The following NRBP1 variants were observed in gnomAD, a reference collection of about 807,000 sequenced individuals.
NRBP1 encodes nuclear receptor binding protein 1.
Under a neutral mutation model 76.0 loss-of-function variants are expected in NRBP1, and 10 were observed. That is an observed-to-expected ratio of 0.13 (90% CI 0.08 to 0.22). NRBP1 has a LOEUF of 0.22. Ranked by LOEUF, NRBP1 falls within the 10% of genes least tolerant of loss-of-function variation. The pLI, the probability that NRBP1 is intolerant of heterozygous loss-of-function variation, is 1.00. For synonymous variants in NRBP1, 235 were observed against 240.2 expected (o/e 0.98, Z 0.20); for missense variants, 344 against 646.0 (o/e 0.53, Z 5.07).
rs1427960253 is a variant in NRBP1 at position 27,433,330 on chromosome 2, A to G, written c.57A>G (p.Glu19=). 1 of 1,614,118 alleles carries G rather than the reference A, an allele frequency of 6.2e-7. No individual in the cohort carries two copies. The highest frequency in any genetic ancestry group is 2.2e-5 in the East Asian group (1 of 44,902). The change falls in exon 2 of 18, where the codon GAA becomes GAG. Residue 19 remains glutamate (E), a synonymous_variant. Transcript: ENST00000379852. ...GCAGTGGCTCAGACCCAAAGGTAGA[A>G]TCCTCATCTTCAGCTCCTGGCCTGA... ...VLSSGSDPKV[E]SSSSAPGLTS... is the part of the protein sequence containing the mutation.
chr2:27,431,677 G>C (rs1394265424), intron 1 of NRBP1: 1 of 152,214 alleles, frequency 6.6e-6, no homozygotes, highest in Non-Finnish European at 1.5e-5. Context: ...GGCTTGTTCT[G>C]TGTAGAGAAG....
Position 27,430,469 on chromosome 2 carries a change from CTTTTTTTT to C in NRBP1, c.-21+1748_-21+1755del, listed in dbSNP as rs977927783. 3.0e-4 allele frequency among the ~76,000 whole-genome samples: 41 copies of C among 138,708 alleles called. 1 individual carries two copies. In the East Asian group the frequency reaches 8.0e-3, roughly 27 times the overall value. 91.0% of individuals were successfully genotyped at this position (138,708 alleles called of 152,430 possible). A position where few individuals can be genotyped will look rare whatever the true frequency, so the allele number is the denominator to read the frequency against. ...TTCTTTTTCTTTTCTTTCTTTTTTT[CTTTTTTTT>C]TTTTTTTTTGAGTCATAGTCTCACT... On this transcript the variant is annotated intron_variant, in intron 1 of 17. Coordinates refer to ENST00000379852, the MANE Select transcript of NRBP1 (RefSeq NM_013392.4).
chr2:27,438,295 C>T (rs780242437), intron 10 of NRBP1, among the ~76,000 whole-genome samples: 11 of 152,066 alleles, frequency 7.2e-5, no homozygotes, highest in Non-Finnish European at 1.0e-4. Context: ...TTTTTAAGCA[C>T]ATCAGTCAAT....
chr2:27,435,605 G>C (rs950423889), intron 7 of NRBP1: 47 of 711,308 alleles, frequency 6.6e-5, no homozygotes, highest in Non-Finnish European at 1.0e-4. Flanking sequence ...CAACATTTCT[G>C]TGTGCTGTGT....
At chr2:27,435,765 C>T (rs1331022691) in intron 7 of NRBP1, 1 of 717,552 alleles carries the variant, frequency 1.4e-6, no homozygotes, top group East Asian at 2.7e-5. Context: ...TCCCTCTGCC[C>T]CACTTGGGGC....
At chr2:27,436,037 A>G (rs1005147491) in intron 7 of NRBP1, 1 of 546,294 alleles carries the variant, frequency 1.8e-6, no homozygotes, top group African/African-American at 1.9e-5. Flanking sequence ...TGTGACTTGT[A>G]GTCATTGTTT....
Position 27,440,918 on chromosome 2 carries a change from C to A in NRBP1, c.1307C>A (p.Pro436Gln), listed in dbSNP as rs1180949430. The change falls in exon 14 of 18, where the codon CCA becomes CAA. Residue 436 changes from proline to glutamine, a missense_variant. Around this residue, in one of 3 missense-constraint regions of NRBP1, gnomAD observed 218 missense variants for 309.8 expected, o/e 0.70. Transcript: ENST00000379852. Reference protein sequence around the residue: ...PPSVKTPTPEPAEVETRKVVL... With the variant: ...PPSVKTPTPEQAEVETRKVVL... ...TCTGTCAAGACTCCGACACCTGAAC[C>A]AGCTGAGGTGGAGACTCGCAAGGTG... 6.2e-7 allele frequency: 1 copy of A among 1,613,646 alleles called. No individual in the cohort carries two copies. Among genetic ancestry groups the A allele is most frequent in the Non-Finnish European group, 8.5e-7 (1 of 1,180,058 alleles).
At chr2:27,439,703 A>G (rs994384367) in intron 10 of NRBP1, 63 bp from the exon 11 acceptor site, 3 of 1,597,400 alleles carry the variant, frequency 1.9e-6, no homozygotes, top group Non-Finnish European at 2.6e-6. Context: ...AATGAGAGCT[A>G]TAAAGATGAA....
chr2:27,434,803 T>G, intron 6 of NRBP1, 41 bp downstream of exon 6: 1 of 1,589,872 alleles, frequency 6.3e-7, no homozygotes, highest in Non-Finnish European at 8.6e-7. Flanking sequence ...TATTTCCTGA[T>G]GTAGTTACTC....
At chr2:27,434,689 T>TA in intron 5 of NRBP1, 33 bp from the exon 6 acceptor site, 1 of 1,613,376 alleles carries the variant, frequency 6.2e-7, no homozygotes, top group Non-Finnish European at 8.5e-7. Context: ...GAGAGGGAAT[T>TA]ACTGCTGACC....
In NRBP1 at chr2:27,433,360, A is replaced by C. The variant is rs1344851774; in HGVS notation, c.87A>C (p.Ser29=). The C allele has an allele frequency of 3.7e-6, 6 of 1,614,128 alleles. No individual in the cohort carries two copies. The highest frequency in any genetic ancestry group is 1.7e-5 in the Admixed American group (1 of 60,014). The change falls in exon 2 of 18, where the codon TCA becomes TCC. Residue 29 remains serine (S), a synonymous_variant. Transcript: ENST00000379852. ...CATCTTCAGCTCCTGGCCTGACATC[A>C]GTGTCACCTCCTGTGACCTCCACAA... ...ESSSSAPGLT[S]VSPPVTSTTS...
chr2:27,437,297 C>T lies in NRBP1; in HGVS notation c.840C>T (p.Ser280=). ...TGGAGATTCAGGGCAATGGAGAGTC[C>T]TCATATGTGCCACAGGAAGCCATCA... The part of the protein sequence containing the change: ...AVLEIQGNGE[S]SYVPQEAISS... Residue 280 remains serine (S), a synonymous_variant, in exon 10 of 18, where the codon TCC becomes TCT. Transcript: ENST00000379852. 1 of 1,613,734 alleles carries T rather than the reference C, an allele frequency of 6.2e-7. No individual in the cohort carries two copies. Among genetic ancestry groups the T allele is most frequent in the Non-Finnish European group, 8.5e-7 (1 of 1,179,864 alleles).
chr2:27,428,949 G>C (rs1231059379), intron 1 of NRBP1, among the ~76,000 whole-genome samples: 1 of 151,936 alleles, frequency 6.6e-6, no homozygotes, highest in Non-Finnish European at 1.5e-5. Flanking sequence ...TCTCTGGCTT[G>C]GCGGCGGCGC....
chr2:27,434,676 TAA>T, intron 5 of NRBP1, 44 bp from the exon 6 acceptor site: 1 of 1,612,020 alleles, frequency 6.2e-7, no homozygotes, highest in Non-Finnish European at 8.5e-7. Context: ...GGGAGAGAGT[TAA>T]GAGAGGGAAT....
rs771960439 is a variant in NRBP1, at chr2:27,441,647, C to G, written c.1503+25C>G. 40 of 1,613,718 alleles carry G rather than the reference C, an allele frequency of 2.5e-5. 1 individual carries two copies. Among genetic ancestry groups the G allele is most frequent in the Non-Finnish European group, 3.1e-5 (37 of 1,179,706 alleles). On this transcript the variant is annotated intron_variant, in intron 17 of 17. Coordinates refer to ENST00000379852, the MANE Select transcript of NRBP1 (RefSeq NM_013392.4). The stretch of plus-strand genomic sequence containing the variant: ...GGTGAGGTTTCTGCCTTCATCTGCC[C>G]TGGCTGCCCCCATGCCTTCTCTTCT...
chr2:27,439,302 A>G (rs1053602729), intron 10 of NRBP1, among the ~76,000 whole-genome samples: 2 of 151,958 alleles, frequency 1.3e-5, no homozygotes, highest in African/African-American at 2.4e-5. Flanking sequence ...CCTGGCTAAC[A>G]TGGTGAAACC....
At chr2:27,435,796 T>A (rs772769608) in intron 7 of NRBP1, 21 of 717,526 alleles carry the variant, frequency 2.9e-5, no homozygotes, top group Middle Eastern at 2.3e-4. Context: ...CTCCCTCTGC[T>A]CCCTTGGCGG....
intron 10 of NRBP1, among the ~76,000 whole-genome samples, chr2:27,438,396 T>C (rs1664397333): frequency 1.3e-5 from 2 of 152,122 alleles, no homozygotes; most frequent in African/African-American, 4.8e-5. Flanking sequence ...TTAAAAGACA[T>C]AAGGTTATGA....
Position 27,433,977 on chromosome 2 carries a change from C to G in NRBP1, c.334-12C>G, listed in dbSNP as rs375253643. On this transcript the variant is annotated splice_polypyrimidine_tract_variant and intron_variant, in intron 3 of 17. Coordinates refer to ENST00000379852, the MANE Select transcript of NRBP1 (RefSeq NM_013392.4). ...TGTGACTCTGTTATTCCACTGTCTCCCTTGCTTTCAGGAAAAGGTTCGTGC... is the reference window on the plus strand; with the variant it reads ...TGTGACTCTGTTATTCCACTGTCTCGCTTGCTTTCAGGAAAAGGTTCGTGC... 3 of 1,611,700 alleles carry G rather than the reference C, an allele frequency of 1.9e-6. No individual in the cohort carries two copies. Among genetic ancestry groups the G allele is most frequent in the African/African-American group, 2.7e-5 (2 of 74,862 alleles).
Sources: gnomAD v4.1 joint callset for allele counts (sites outside exome capture counted in the v4.1 genomes callset) on GRCh38, gnomAD v4.1.1 for gene constraint, gnomAD v4.1.1 regional missense constraint, MANE v1.5 for transcripts, NCBI Gene and HGNC (gene_info 2026-07-23, HGNC 2026-07-21) for gene names.